ZNF804A: variants seen among roughly 807,000 people sequenced by gnomAD.
ZNF804A encodes the protein zinc finger protein 804A.
In ZNF804A, 2 loss-of-function variants were observed where a neutral mutation model predicts 16.5. The ratio of observed to expected loss-of-function variants is 0.12; its 90% CI spans 0.05 to 0.38. The LOEUF is 0.38. Ranked by LOEUF, ZNF804A falls within the 10% of genes least tolerant of loss-of-function variation. ZNF804A has a pLI of 0.99. For synonymous variants in ZNF804A, 534 were observed against 489.6 expected (o/e 1.09, Z -1.20); for missense variants, 1,473 against 1,390.7 (o/e 1.06, Z -0.94).
chr2:184,691,903 A>C (rs1401938395), intron 1 of ZNF804A, among the ~76,000 whole-genome samples: 1 of 152,114 alleles, frequency 6.6e-6, no homozygotes, highest in Non-Finnish European at 1.5e-5. Flanking sequence ...CAGAGAAATG[A>C]TCCATAGTTT....
chr2:184,678,798 A>C (rs1306614566), intron 1 of ZNF804A, among the ~76,000 whole-genome samples: 1 of 152,206 alleles, frequency 6.6e-6, no homozygotes, highest in East Asian at 1.9e-4. Flanking sequence ...TGTATGTGTA[A>C]CACTATATAC....
chr2:184,731,778 T>C (rs919689244), intron 1 of ZNF804A, among the ~76,000 whole-genome samples: 6 of 152,054 alleles, frequency 3.9e-5, no homozygotes, highest in Admixed American at 1.3e-4. Context: ...TCTCTCTATG[T>C]AGTCCAGGCT....
chr2:184,730,345 A>C (rs1331785788), intron 1 of ZNF804A, among the ~76,000 whole-genome samples: 2 of 152,182 alleles, frequency 1.3e-5, no homozygotes, highest in Non-Finnish European at 2.9e-5. Flanking sequence ...CCAGAGTAGT[A>C]TATTTGTTAA....
At chr2:184,705,585 C>G (rs1420674491) in intron 1 of ZNF804A, among the ~76,000 whole-genome samples, 1 of 152,112 alleles carries the variant, frequency 6.6e-6, no homozygotes, top group Non-Finnish European at 1.5e-5. Flanking sequence ...TAGGAGATGA[C>G]AGTTCTCTGA....
At chr2:184,852,001 A>G (rs531659183) in intron 1 of ZNF804A, among the ~76,000 whole-genome samples, 18 of 151,748 alleles carry the variant, frequency 1.2e-4, no homozygotes, top group Admixed American at 9.9e-4. Context: ...AAAAATGTCT[A>G]TTCAGGTCCT....
intron 1 of ZNF804A, among the ~76,000 whole-genome samples, chr2:184,783,248 A>G (rs1034235342): frequency 6.8e-6 from 1 of 146,932 alleles, no homozygotes; most frequent in African/African-American, 2.5e-5. Context: ...CGGGTAGGCA[A>G]CAGTATCTGG....
Position 184,936,142 on chromosome 2 carries a change from A to G in ZNF804A, c.746A>G (p.Lys249Arg). ...TCAGTGGGAAAAGGATTTAGCAGAA[A>G]AAGTAGATTTGTCCCCAGTGCTTGT... ...DASVGKGFSR[K>R]SRFVPSACHL... Residue 249 changes from lysine to arginine, a missense_variant, in exon 4 of 4, where the codon AAA (lysine) becomes AGA (arginine). Coordinates refer to ENST00000302277, the MANE Select transcript of ZNF804A (RefSeq NM_194250.2). 1 of 1,614,060 alleles carries G rather than the reference A, an allele frequency of 6.2e-7. No homozygotes were observed. Among genetic ancestry groups the G allele is most frequent in the Non-Finnish European group, 8.5e-7 (1 of 1,179,938 alleles).
intron 1 of ZNF804A, among the ~76,000 whole-genome samples, chr2:184,759,593 G>T (rs1245583110): frequency 6.6e-6 from 1 of 151,834 alleles, no homozygotes; most frequent in African/African-American, 2.4e-5. Context: ...ATGCAATAAG[G>T]ATAGCAATTG....
At chr2:184,825,912 C>A (rs980222091) in intron 1 of ZNF804A, among the ~76,000 whole-genome samples, 1 of 151,960 alleles carries the variant, frequency 6.6e-6, no homozygotes, top group East Asian at 1.9e-4. Flanking sequence ...CACTCTGTCA[C>A]CCAGGCTGGA....
At chr2:184,917,117 T>C (rs1685460668) in intron 2 of ZNF804A, among the ~76,000 whole-genome samples, 1 of 152,160 alleles carries the variant, frequency 6.6e-6, no homozygotes, top group African/African-American at 2.4e-5. Flanking sequence ...AATATATAGA[T>C]ACCATGGACT....
At chr2:184,814,171 T>C (rs1428818806) in intron 1 of ZNF804A, among the ~76,000 whole-genome samples, 2 of 151,880 alleles carry the variant, frequency 1.3e-5, no homozygotes, top group Non-Finnish European at 2.9e-5. Flanking sequence ...CAGTTCCTGA[T>C]AGTTCCATGT....
chr2:184,901,901 T>C (rs1387846861), intron 2 of ZNF804A, among the ~76,000 whole-genome samples: 2 of 151,982 alleles, frequency 1.3e-5, no homozygotes, highest in African/African-American at 4.8e-5. Flanking sequence ...ATATATATAA[T>C]ATCACATGAC....
At chr2:184,678,160 A>G (rs556670426) in intron 1 of ZNF804A, among the ~76,000 whole-genome samples, 4 of 152,202 alleles carry the variant, frequency 2.6e-5, no homozygotes, top group South Asian at 4.1e-4. Context: ...TATGTATTTT[A>G]TAACTTTCGA....
chr2:184,934,908 G>A (rs1304151582), intron 3 of ZNF804A, among the ~76,000 whole-genome samples: 2 of 152,084 alleles, frequency 1.3e-5, no homozygotes, highest in East Asian at 3.9e-4. Context: ...GCTAAATGAA[G>A]CAATACATTG....
At position 184,604,469 on chromosome 2, in the gene ZNF804A, G is replaced by T. The variant is rs866294430; in HGVS notation, c.111+5399G>T. On this transcript the variant is annotated intron_variant, in intron 1 of 3. Coordinates refer to ENST00000302277, the MANE Select transcript of ZNF804A (RefSeq NM_194250.2). ...ATTACAGGCGTGAGCCACCGCGCTCGGCCACATTTTTAATGAAAATACAGA... is the reference window on the plus strand; with the variant it reads ...ATTACAGGCGTGAGCCACCGCGCTCTGCCACATTTTTAATGAAAATACAGA... Among the ~76,000 whole-genome samples, 5 of 151,912 alleles carry T rather than the reference G, an allele frequency of 3.3e-5. 1 individual carries two copies. In the South Asian group the frequency reaches 6.2e-4, roughly 19 times the overall value.
At chr2:184,875,818 T>G (rs112889546) in intron 2 of ZNF804A, among the ~76,000 whole-genome samples, 5 of 150,984 alleles carry the variant, frequency 3.3e-5, no homozygotes, top group African/African-American at 1.2e-4. Flanking sequence ...AGAAAAAAAT[T>G]TCCTGTAGAC....
intron 2 of ZNF804A, among the ~76,000 whole-genome samples, chr2:184,881,246 A>C (rs1301459743): frequency 3.9e-5 from 6 of 152,068 alleles, no homozygotes; most frequent in Non-Finnish European, 8.8e-5. Flanking sequence ...AATGAATGAC[A>C]CTTCTGAGAA....
Position 184,933,654 on chromosome 2 carries a change from T to A in ZNF804A, c.307T>A (p.Ser103Thr). ...ATTTGCTCGAAATGTAGCATCTAAA[T>A]CCAGGAAAGATGAAAGAAAACAGGA... ...REFARNVASK[S>T]RKDERKQEKA... The change falls in exon 3 of 4, where the codon TCC (serine) becomes ACC (threonine). Residue 103 changes from serine to threonine, a missense_variant. Coordinates refer to ENST00000302277, the MANE Select transcript of ZNF804A (RefSeq NM_194250.2). The A allele has an allele frequency of 1.2e-6, 2 of 1,610,042 alleles. No homozygotes were observed. Among genetic ancestry groups the A allele is most frequent in the Non-Finnish European group, 1.7e-6 (2 of 1,178,526 alleles).
chr2:184,723,504 A>G lies in ZNF804A; in HGVS notation c.111+124434A>G, dbSNP rs573541084. ...AGAAGTTACTTTGGGCTGTATTGTA[A>G]CTATAAATACTGAAGCTGATTTTCC... On this transcript the variant is annotated intron_variant, in intron 1 of 3. Transcript: ENST00000302277. Among the ~76,000 whole-genome samples, 62 of 151,920 alleles carry G rather than the reference A, an allele frequency of 4.1e-4. 1 individual carries two copies. The South Asian group carries it at 0.012, about 28-fold the overall frequency.
Sources: allele counts gnomAD v4.1 joint callset (sites outside exome capture counted in the v4.1 genomes callset), GRCh38; gene constraint gnomAD v4.1.1; transcripts MANE v1.5; gene names NCBI Gene and HGNC (gene_info 2026-07-23, HGNC 2026-07-21).